IGSF11: variants seen among roughly 807,000 people sequenced by gnomAD.
The protein encoded by IGSF11 is CXADR like 1.
A neutral mutation model predicts 41.0 loss-of-function variants in IGSF11; 22 were observed. The observed-to-expected ratio is 0.54, with a 90% confidence interval of 0.38 to 0.77. The LOEUF is 0.77. Among genes scored for constraint, IGSF11 ranks in the 30% least tolerant of loss-of-function variants. IGSF11 has a pLI of 0.00. For synonymous variants in IGSF11, 219 were observed against 201.3 expected, an observed-to-expected ratio of 1.09 and a Z score of -0.74; for missense variants, 444 against 530.8, an observed-to-expected ratio of 0.84 and a Z score of 1.61.
chr3:119,068,933 T>C (rs1335688373), intron 1 of IGSF11, among the ~76,000 whole-genome samples: 1 of 144,976 alleles, frequency 6.9e-6, no homozygotes, highest in African/African-American at 2.6e-5. Context: ...TTTTCTTTTT[T>C]TTTTTTTTTT....
intron 1 of IGSF11, among the ~76,000 whole-genome samples, chr3:119,078,055 G>C (rs966535139): frequency 6.6e-6 from 1 of 152,146 alleles, no homozygotes; most frequent in African/African-American, 2.4e-5. Flanking sequence ...CTGTGCTCAT[G>C]ACTAGAAAAC....
chr3:118,982,258 A>T (rs1049953124), intron 1 of IGSF11, among the ~76,000 whole-genome samples: 1 of 152,234 alleles, frequency 6.6e-6, no homozygotes, highest in Admixed American at 6.5e-5. Context: ...AGTTTCTAGC[A>T]ACTCTCCAGA....
chr3:119,058,413 A>G (rs1247900575), intron 1 of IGSF11, among the ~76,000 whole-genome samples: 2 of 152,212 alleles, frequency 1.3e-5, no homozygotes, highest in Non-Finnish European at 2.9e-5. Flanking sequence ...GTAAATCAAA[A>G]CCACAATGAG....
chr3:119,053,524 A>G (rs755755730), intron 1 of IGSF11, among the ~76,000 whole-genome samples: 11 of 152,224 alleles, frequency 7.2e-5, no homozygotes, highest in Non-Finnish European at 1.5e-4. Flanking sequence ...AGGTGACACA[A>G]ACAAATGGAA....
At chr3:118,912,613 C>T (rs1396121534) in intron 4 of IGSF11, among the ~76,000 whole-genome samples, 4 of 152,212 alleles carry the variant, frequency 2.6e-5, no homozygotes, top group African/African-American at 9.6e-5. Flanking sequence ...ACATAACCTA[C>T]AGCTTAGAGA....
At chr3:119,083,098 C>CTTTTT (rs1286642842) in intron 1 of IGSF11, among the ~76,000 whole-genome samples, 2 of 148,454 alleles carry the variant, frequency 1.3e-5, no homozygotes, top group African/African-American at 2.5e-5. Flanking sequence ...AGACTAATTC[C>CTTTTT]TTTTTTTTCT....
intron 1 of IGSF11, among the ~76,000 whole-genome samples, chr3:118,989,563 C>T (rs891229054): frequency 6.6e-6 from 1 of 152,080 alleles, no homozygotes; most frequent in Non-Finnish European, 1.5e-5. Flanking sequence ...ACCATGTTAG[C>T]CAGGATGGTC....
upstream of IGSF11, among the ~76,000 whole-genome samples, chr3:119,108,080 T>A (rs1246174920): frequency 1.3e-5 from 2 of 151,224 alleles, no homozygotes; most frequent in African/African-American, 4.9e-5. Context: ...GGCTCTTTTT[T>A]GGTTCCATAT....
At chr3:119,028,383 T>C (rs1194800245) in intron 1 of IGSF11, among the ~76,000 whole-genome samples, 4 of 152,162 alleles carry the variant, frequency 2.6e-5, no homozygotes, top group Admixed American at 6.5e-5. Context: ...ACTTTGTATA[T>C]AGTAATGTAG....
rs117216991 is a variant in IGSF11 at position 118,938,141 on chromosome 3, G to A, written c.53-7866C>T. Among the ~76,000 whole-genome samples the A allele has an allele frequency of 2.9e-3, 446 of 152,090 alleles. 14 individuals are homozygous for A. In the East Asian group the frequency reaches 0.07, roughly 24 times the overall value. On this transcript the variant is annotated intron_variant, in intron 1 of 6. Coordinates refer to ENST00000393775, the MANE Select transcript of IGSF11 (RefSeq NM_001015887.3). ...CTACATGTCATGGCATATATATTACGTGGGTAGCATTAACTCAGCAGTATC... is the reference window on the plus strand; with the variant it reads ...CTACATGTCATGGCATATATATTACATGGGTAGCATTAACTCAGCAGTATC...
chr3:119,021,638 A>G (rs1939297391), intron 1 of IGSF11, among the ~76,000 whole-genome samples: 1 of 152,134 alleles, frequency 6.6e-6, no homozygotes, highest in Non-Finnish European at 1.5e-5. Context: ...AAAAAAATAA[A>G]TTTTTGTCCT....
chr3:118,908,615 G>A (rs1167321898), intron 4 of IGSF11, among the ~76,000 whole-genome samples: 1 of 152,174 alleles, frequency 6.6e-6, no homozygotes, highest in East Asian at 1.9e-4. Flanking sequence ...AAAGAATAGG[G>A]AAAGTTCAAT....
intron 1 of IGSF11, among the ~76,000 whole-genome samples, chr3:118,930,528 T>G (rs1161780381): frequency 6.6e-6 from 1 of 152,230 alleles, no homozygotes. Context: ...CTATCTGATA[T>G]GTGGCCAGAT....
chr3:119,082,804 G>A lies in IGSF11; in HGVS notation c.49+22340C>T, dbSNP rs151252904. On this transcript the variant is annotated intron_variant, in intron 1 of 6. Transcript: ENST00000354673. ...AAATCTTAAGGGAAGAATCTAGGAG[G>A]TATGATAAACTTCCTCTGAAAACAT... is the stretch of plus-strand genomic sequence containing the variant. Among the ~76,000 whole-genome samples the A allele has an allele frequency of 1.3e-3, 201 of 152,254 alleles. 5 individuals carry two copies. The East Asian group carries it at 0.033, about 25-fold the overall frequency.
intron 1 of IGSF11, among the ~76,000 whole-genome samples, chr3:118,987,946 C>T (rs747097772): frequency 1.3e-5 from 2 of 152,230 alleles, no homozygotes; most frequent in Non-Finnish European, 2.9e-5. Context: ...ATTACTTTTA[C>T]AACCTTAAAC....
rs1470390212 is a variant in IGSF11 at position 119,003,276 on chromosome 3, T to C, written c.52+31255A>G. Among the ~76,000 whole-genome samples the C allele has an allele frequency of 1.9e-4, 27 of 142,622 alleles. No individual in the cohort carries two copies. The East Asian group carries it at 3.1e-3, about 16-fold the overall frequency. 93.6% of individuals were successfully genotyped at this position (142,622 alleles called of 152,430 possible). A position where few individuals can be genotyped will look rare whatever the true frequency, so the allele number is the denominator to read the frequency against. On this transcript the variant is annotated intron_variant, in intron 1 of 6. Coordinates refer to ENST00000393775, the MANE Select transcript of IGSF11 (RefSeq NM_001015887.3). ...CACTCATGATTTGGCTCTCTGTTTG[T>C]CTGTTGTTGGTGTATAAGAATGCTT... is the stretch of plus-strand genomic sequence containing the variant.
intron 1 of IGSF11, among the ~76,000 whole-genome samples, chr3:119,027,582 T>C (rs1939942002): frequency 6.6e-6 from 1 of 152,162 alleles, no homozygotes; most frequent in South Asian, 2.1e-4. Context: ...AAAACATTTA[T>C]GTCAATGTGT....
chr3:119,117,534 C>G (rs2077275521), intron 1 of IGSF11, among the ~76,000 whole-genome samples: 1 of 152,126 alleles, frequency 6.6e-6, no homozygotes, highest in Non-Finnish European at 1.5e-5. Context: ...CCTACCAGGT[C>G]CCTCCCACGA....
chr3:119,045,829 C>A (rs917399899), intron 1 of IGSF11, among the ~76,000 whole-genome samples: 50 of 151,974 alleles, frequency 3.3e-4, no homozygotes, highest in Middle Eastern at 3.4e-3. Context: ...CAAGTGGGTC[C>A]CTGACCCCTG....
Sources: gnomAD v4.1 joint callset for allele counts (sites outside exome capture counted in the v4.1 genomes callset) on GRCh38, gnomAD v4.1.1 for gene constraint, MANE v1.5 for transcripts, NCBI Gene and HGNC (gene_info 2026-07-23, HGNC 2026-07-21) for gene names.